Variants in JAKMIP1 observed in about 807,000 individuals in gnomAD.
JAKMIP1 encodes the protein janus kinase and microtubule-interacting protein 1.
JAKMIP1 carries 33 observed loss-of-function variants against 113.0 expected under a neutral mutation model. That is an observed-to-expected ratio of 0.29 (90% CI 0.22 to 0.39). JAKMIP1 has a LOEUF of 0.39. Ranked by LOEUF, JAKMIP1 falls within the 10% of genes least tolerant of loss-of-function variation. JAKMIP1 has a pLI of 1.00. For missense variants in JAKMIP1, 813 were observed against 1,080.5 expected (o/e 0.75, Z 3.47); for synonymous variants, 480 against 459.9 (o/e 1.04, Z -0.56).
At chr4:6,125,427 T>A (rs1578308803) in intron 1 of JAKMIP1, among the ~76,000 whole-genome samples, 4 of 152,130 alleles carry the variant, frequency 2.6e-5, no homozygotes. Flanking sequence ...ATGGCTACAG[T>A]GGCCCACACT....
At chr4:6,121,567 A>G (rs1716713495) in intron 1 of JAKMIP1, among the ~76,000 whole-genome samples, 1 of 152,262 alleles carries the variant, frequency 6.6e-6, no homozygotes, top group South Asian at 2.1e-4. Context: ...AGAGAAGTGT[A>G]CGCCATCACA....
At position 6,116,346 on chromosome 4, in the gene JAKMIP1, G is replaced by A. The variant is rs757321370; in HGVS notation, c.-147-3349C>T. Among the ~76,000 whole-genome samples, 7 of 151,956 alleles carry A rather than the reference G, an allele frequency of 4.6e-5. No individual in the cohort carries two copies. The highest frequency in any genetic ancestry group is 8.8e-5 in the Non-Finnish European group (6 of 68,004). On this transcript the variant is annotated intron_variant, in intron 1 of 20. Coordinates refer to ENST00000409021, the MANE Select transcript of JAKMIP1 (RefSeq NM_001099433.2). This position sits in a 1 kb window ranked among gnomAD's most constrained non-coding sequence, Gnocchi z 5.1. The stretch of plus-strand genomic sequence containing the variant: ...GTGTCTGCTGCGCCCGGGGATTTTC[G>A]TTCTGAGCCCACTGCCCACCAAGCA...
chr4:6,102,406 A>T (rs1319440620), intron 3 of JAKMIP1, among the ~76,000 whole-genome samples: 2 of 152,098 alleles, frequency 1.3e-5, no homozygotes, highest in Non-Finnish European at 2.9e-5. Context: ...TTATGAAGGG[A>T]GTTAGTGACC....
At chr4:6,092,880 C>T (rs1332655643) in intron 3 of JAKMIP1, among the ~76,000 whole-genome samples, 1 of 152,174 alleles carries the variant, frequency 6.6e-6, no homozygotes, top group Non-Finnish European at 1.5e-5. Context: ...TGCTTGTGAT[C>T]TCATCTATAC....
Position 6,037,926 on chromosome 4 carries a change from T to A in JAKMIP1, c.2176-1819A>T, listed in dbSNP as rs57808383. On this transcript the variant is annotated intron_variant, in intron 18 of 20. Coordinates refer to ENST00000409021, the MANE Select transcript of JAKMIP1 (RefSeq NM_001099433.2). ...TGAGGCAGAGGCTAACCGGTATCCC[T>A]CCATCACTGAGTCAGAGGTTAACCC... Among the ~76,000 whole-genome samples the A allele has an allele frequency of 7.7e-4, 89 of 115,588 alleles. No homozygotes were observed. In the East Asian group the frequency reaches 0.023, roughly 29 times the overall value. 75.8% of individuals were successfully genotyped at this position (115,588 alleles called of 152,430 possible).
At position 6,105,664 on chromosome 4, in the gene JAKMIP1, C is replaced by G; in HGVS notation, c.433G>C (p.Asp145His). The G allele has an allele frequency of 2.5e-6, 4 of 1,602,172 alleles. No individual in the cohort carries two copies. Among genetic ancestry groups the G allele is most frequent in the Non-Finnish European group, 2.6e-6 (3 of 1,175,948 alleles). Residue 145 changes from aspartate (D) to histidine (H), a missense_variant, in exon 3 of 21, where the codon GAT becomes CAT. Physicochemically the swap from Asp to His is moderately conservative, Grantham distance 81. Around this residue, in one of 2 missense-constraint regions of JAKMIP1, gnomAD observed 540 missense variants for 653.9 expected, o/e 0.83. Coordinates refer to ENST00000409021, the MANE Select transcript of JAKMIP1 (RefSeq NM_001099433.2). ...EAREEARRAF[D>H]GERLRLQQEI... is the part of the protein sequence containing the mutation. ...TGCTGCAGCCGCAGGCGCTCTCCAT[C>G]GAAGGCCCTGCGCGCCTCCTCGCGC...
At chr4:6,037,895 C>T (rs370329084) in intron 18 of JAKMIP1, among the ~76,000 whole-genome samples, 943 of 129,458 alleles carry the variant, frequency 7.3e-3, no homozygotes, top group African/African-American at 0.03. Flanking sequence ...AGTAGCCCTC[C>T]ATCACTGAGG....
chr4:6,131,974 G>A (rs1164543677), intron 1 of JAKMIP1, among the ~76,000 whole-genome samples: 4 of 152,148 alleles, frequency 2.6e-5, no homozygotes, highest in Admixed American at 2.0e-4. Flanking sequence ...CAGAGTTGAG[G>A]GAAAATGACA....
chr4:6,046,926 C>T lies in JAKMIP1; in HGVS notation c.2028+1931G>A, dbSNP rs532019900. Among the ~76,000 whole-genome samples the T allele has an allele frequency of 3.6e-4, 55 of 152,316 alleles. No individual in the cohort carries two copies. In the South Asian group the frequency reaches 9.5e-3, roughly 26 times the overall value. On this transcript the variant is annotated intron_variant, in intron 16 of 20. Coordinates refer to ENST00000409021, the MANE Select transcript of JAKMIP1 (RefSeq NM_001099433.2). ...AACACCCCCTGCCCCAGCCCCAGGACGAACCAGCCACCCTGAGTCACCAGC... is the reference window on the plus strand; with the variant it reads ...AACACCCCCTGCCCCAGCCCCAGGATGAACCAGCCACCCTGAGTCACCAGC...
chr4:6,035,735 G>A (rs764418419), intron 19 of JAKMIP1, among the ~76,000 whole-genome samples, 169 bp downstream of exon 19: 1 of 152,222 alleles, frequency 6.6e-6, no homozygotes, highest in Admixed American at 6.5e-5. Flanking sequence ...GCCCCGTCAC[G>A]GGGAGATATG....
intron 1 of JAKMIP1, among the ~76,000 whole-genome samples, chr4:6,126,764 C>T (rs923569823): frequency 6.6e-5 from 10 of 150,934 alleles, no homozygotes; most frequent in South Asian, 4.2e-4. Context: ...ACAACACATG[C>T]GCCCCCCCAC....
chr4:6,102,071 T>C (rs888118563), intron 3 of JAKMIP1, among the ~76,000 whole-genome samples: 1 of 152,222 alleles, frequency 6.6e-6, no homozygotes, highest in Non-Finnish European at 1.5e-5. Flanking sequence ...CAATGTTTTA[T>C]AGTTTTCAGG....
chr4:6,125,311 C>G (rs1717254466), intron 1 of JAKMIP1, among the ~76,000 whole-genome samples: 1 of 152,090 alleles, frequency 6.6e-6, no homozygotes, highest in South Asian at 2.1e-4. Context: ...CTAGGACCCT[C>G]CCATCCCAAG....
At chr4:6,120,967 A>C (rs1716626985) in intron 1 of JAKMIP1, among the ~76,000 whole-genome samples, 1 of 152,184 alleles carries the variant, frequency 6.6e-6, no homozygotes, top group South Asian at 2.1e-4. Context: ...TGGGAGGCCG[A>C]GGCAAGCGGA....
chr4:6,084,903 T>C lies in JAKMIP1; in HGVS notation c.897A>G (p.Ser299=), dbSNP rs757741086. The part of the protein sequence containing the change: ...RFQLKIAELN[S]VIRKLEDRNT... ...TTCTGTCTTCCAGCTTCCGTATCACTGAATTCAGTTCAGCAATTTTTAGTT... is the reference window on the plus strand; with the variant it reads ...TTCTGTCTTCCAGCTTCCGTATCACCGAATTCAGTTCAGCAATTTTTAGTT... The change falls in exon 5 of 21, where the codon TCA becomes TCG. Residue 299 remains serine, a synonymous_variant. Transcript: ENST00000409021. The C allele has an allele frequency of 4.4e-6, 7 of 1,594,104 alleles. No individual in the cohort carries two copies. The highest frequency in any genetic ancestry group is 1.7e-4 in the Middle Eastern group (1 of 5,956).
At chr4:6,174,333 A>C (rs1355776567) in intron 1 of JAKMIP1, among the ~76,000 whole-genome samples, 1 of 152,244 alleles carries the variant, frequency 6.6e-6, no homozygotes, top group East Asian at 1.9e-4. Flanking sequence ...GACAATCAGG[A>C]ATAATCGCCA....
chr4:6,139,083 CATATACACACACACACACACA>C lies in JAKMIP1; in HGVS notation c.-147-26107_-147-26087del, dbSNP rs1719702068. Among the ~76,000 whole-genome samples the C allele has an allele frequency of 9.6e-5, 3 of 31,206 alleles. No homozygotes were observed. The highest frequency in any genetic ancestry group is 1.4e-4 in the African/African-American group (2 of 14,134). The allele number at this position is 31,206 out of a possible 152,430, so 20.5% of individuals were successfully genotyped here. On this transcript the variant is annotated intron_variant, in intron 1 of 20. Transcript: ENST00000409021. This position sits in a 1 kb window ranked among gnomAD's most constrained non-coding sequence, Gnocchi z 5.2. Reference sequence around the variant, plus strand: ...ACACACACACACACACACACACACACATATACACACACACACACACACCAGCAGGTCAGCCCTGCTCTCCTC... The same window carrying C: ...ACACACACACACACACACACACACACCCAGCAGGTCAGCCCTGCTCTCCTC...
At chr4:6,085,743 G>A (rs1721194429) in intron 3 of JAKMIP1, 114 bp from the exon 4 acceptor site, 6 of 898,244 alleles carry the variant, frequency 6.7e-6, no homozygotes, top group Admixed American at 6.7e-5. Flanking sequence ...TCGGGCCTGG[G>A]TCAACTGAAT....
At chr4:6,062,179 T>G in intron 10 of JAKMIP1, 133 bp downstream of exon 10, 1 of 921,528 alleles carries the variant, frequency 1.1e-6, no homozygotes, top group Non-Finnish European at 1.7e-6. Flanking sequence ...AGCAGAGACC[T>G]TGCTATGGGT....
Sources: gnomAD v4.1 joint callset for allele counts (sites outside exome capture counted in the v4.1 genomes callset) on GRCh38, gnomAD v4.1.1 for gene constraint, gnomAD v4.1.1 regional missense constraint, Gnocchi (gnomAD v3.1) non-coding constraint, MANE v1.5 for transcripts, NCBI Gene and HGNC (gene_info 2026-07-23, HGNC 2026-07-21) for gene names.